Variants in IL20RB observed in about 807,000 individuals in gnomAD.
The protein encoded by IL20RB is interleukin 20 receptor subunit beta.
IL20RB carries 21 observed loss-of-function variants against 33.3 expected under a neutral mutation model. That is an observed-to-expected ratio of 0.63 (90% CI 0.45 to 0.91). The LOEUF (loss-of-function observed/expected upper bound fraction) is 0.91, where lower values mean the gene tolerates loss of function less well. Among genes scored for constraint, IL20RB ranks in the 40% least tolerant of loss-of-function variants. The pLI is 0.00. For missense variants in IL20RB, 345 were observed against 384.8 expected, an observed-to-expected ratio of 0.90 and a Z score of 0.86; for synonymous variants, 147 against 146.8, an observed-to-expected ratio of 1.00 and a Z score of -0.01.
intron 2 of IL20RB, among the ~76,000 whole-genome samples, chr3:136,981,115 A>C (rs1941762161): frequency 1.3e-5 from 2 of 152,328 alleles, no homozygotes; most frequent in Non-Finnish European, 2.9e-5. Context: ...CTGAACACCT[A>C]CATGTGTAGA....
chr3:136,960,262 C>G (rs955813464), intron 1 of IL20RB, among the ~76,000 whole-genome samples: 1 of 149,752 alleles, frequency 6.7e-6, no homozygotes, highest in Non-Finnish European at 1.5e-5. Context: ...ATTCTCCTGC[C>G]TCAGCCTCCT....
In IL20RB at chr3:136,982,278, C is replaced by T. The variant is rs752060952; in HGVS notation, c.334C>T (p.Arg112Cys). The T allele has an allele frequency of 4.3e-6, 7 of 1,611,424 alleles. No homozygotes were observed. In the Admixed American group the frequency reaches 5.0e-5, roughly 12 times the overall value. Residue 112 changes from arginine to cysteine, a missense_variant, in exon 3 of 7, where the codon CGT becomes TGT. Coordinates refer to ENST00000329582, the MANE Select transcript of IL20RB (RefSeq NM_144717.4). ...CACGGCCACTGTGCCATACAACCTT[C>T]GTGTCAGGGCCACATTGGGCTCACA... ...DITATVPYNL[R>C]VRATLGSQTS...
chr3:136,991,987 C>A lies in IL20RB; in HGVS notation c.581C>A (p.Thr194Asn), dbSNP rs1942041897. 3 of 1,614,068 alleles carry A rather than the reference C, an allele frequency of 1.9e-6. No individual in the cohort carries two copies. Among genetic ancestry groups the A allele is most frequent in the Non-Finnish European group, 1.7e-6 (2 of 1,180,044 alleles). The change falls in exon 5 of 7, where the codon ACC becomes AAC. Residue 194 changes from threonine to asparagine, a missense_variant. Physicochemically the swap from Thr to Asn is moderately conservative, Grantham distance 65. Transcript: ENST00000329582. ...GGGGGTATTCCAGTGCACCTAGAAA[C>A]CATGGAGCCAGGGGCTGCATACTGT... ...RSGGIPVHLETMEPGAAYCVK... is the reference protein window; with the variant it reads ...RSGGIPVHLENMEPGAAYCVK...
Position 136,980,515 on chromosome 3 carries a change from C to T in IL20RB, c.138C>T (p.Thr46=). 1 of 1,614,186 alleles carries T rather than the reference C, an allele frequency of 6.2e-7. No individual in the cohort carries two copies. The highest frequency in any genetic ancestry group is 8.5e-7 in the Non-Finnish European group (1 of 1,180,030). The change falls in exon 2 of 7, where the codon ACC becomes ACT. Residue 46 remains threonine, a synonymous_variant. Coordinates refer to ENST00000329582, the MANE Select transcript of IL20RB (RefSeq NM_144717.4). ...CTCAGAACCTCTCTGTACTCTCAAC[C>T]AACATGAAGCATCTCTTGATGTGGA... ...PAPQNLSVLS[T]NMKHLLMWSP...
chr3:136,973,602 A>G (rs897843240), intron 1 of IL20RB, among the ~76,000 whole-genome samples: 5 of 152,142 alleles, frequency 3.3e-5, no homozygotes, highest in African/African-American at 1.2e-4. Context: ...CAGTTTAAGT[A>G]CAATGTTTCT....
chr3:136,996,261 T>C (rs994427044), intron 6 of IL20RB, among the ~76,000 whole-genome samples: 4 of 152,058 alleles, frequency 2.6e-5, no homozygotes, highest in African/African-American at 7.2e-5. Flanking sequence ...AGCTCCCCCA[T>C]GTTCTCTGGC....
At chr3:136,960,327 T>G (rs1381265835) in intron 1 of IL20RB, among the ~76,000 whole-genome samples, 3 of 152,000 alleles carry the variant, frequency 2.0e-5, no homozygotes, top group Admixed American at 2.0e-4. Flanking sequence ...TTTGTATTTT[T>G]AGTAAAGATG....
At chr3:136,982,388 G>GC (rs1941798994) in intron 3 of IL20RB, 38 bp downstream of exon 3, 2 of 1,431,460 alleles carry the variant, frequency 1.4e-6, no homozygotes, top group Non-Finnish European at 1.9e-6. Context: ...ACCCCAACCA[G>GC]CCCCTCCTTT....
intron 6 of IL20RB, among the ~76,000 whole-genome samples, chr3:137,009,438 C>A (rs1400304541): frequency 1.3e-5 from 2 of 152,172 alleles, no homozygotes; most frequent in Non-Finnish European, 2.9e-5. Context: ...ATTTATGGAA[C>A]ATCCTCTCTG....
Position 136,982,345 on chromosome 3 carries a change from A to G in IL20RB, c.401A>G (p.Asn134Ser). The change falls in exon 3 of 7, where the codon AAC becomes AGC. Residue 134 changes from asparagine (N) to serine (S), a missense_variant. By Grantham distance (46) the Asn-to-Ser change is conservative (BLOSUM62 1). Coordinates refer to ENST00000329582, the MANE Select transcript of IL20RB (RefSeq NM_144717.4). ...WSILKHPFNRNSTILTRPGME... is the reference protein window; with the variant it reads ...WSILKHPFNRSSTILTRPGME... ...ATCCTGAAGCATCCCTTTAATAGAA[A>G]CTCAAGTAAGGCACTTCTCTCCTTA... 6.3e-7 allele frequency: 1 copy of G among 1,574,982 alleles called. No homozygotes were observed. Among genetic ancestry groups the G allele is most frequent in the Non-Finnish European group, 8.7e-7 (1 of 1,152,330 alleles).
intron 1 of IL20RB, among the ~76,000 whole-genome samples, chr3:136,973,205 G>A (rs1941531081): frequency 6.6e-6 from 1 of 152,088 alleles, no homozygotes; most frequent in African/African-American, 2.4e-5. Flanking sequence ...TTGTTGGCTG[G>A]GCGCAGTGTC....
intron 4 of IL20RB, 84 bp from the exon 5 acceptor site, chr3:136,991,854 C>T: frequency 6.9e-7 from 1 of 1,459,090 alleles, no homozygotes. Flanking sequence ...AGGTGATCCG[C>T]CCGCCTCAGG....
Position 136,958,104 on chromosome 3 carries a change from A to G in IL20RB, c.-10A>G, listed in dbSNP as rs1941090952. 1.3e-6 allele frequency: 2 copies of G among 1,540,444 alleles called. No homozygotes were observed. The highest frequency in any genetic ancestry group is 4.5e-5 in the East Asian group (2 of 44,516). ...AGAAACAATGTTCTAGGTCAAACTGAGTCTACCAAATGCAGACTTTCACAA... is the reference window on the plus strand; with the variant it reads ...AGAAACAATGTTCTAGGTCAAACTGGGTCTACCAAATGCAGACTTTCACAA... On this transcript the variant is annotated 5_prime_UTR_variant, in exon 1 of 7. It removes the in-frame stop codon of an upstream open reading frame in the 5' UTR. Coordinates refer to ENST00000329582, the MANE Select transcript of IL20RB (RefSeq NM_144717.4).
intron 6 of IL20RB, among the ~76,000 whole-genome samples, chr3:137,006,322 G>A (rs889474930): frequency 1.3e-4 from 20 of 152,086 alleles, no homozygotes; most frequent in Non-Finnish European, 2.1e-4. Context: ...GCCTTGCTAG[G>A]TTGGGGAAGT....
chr3:136,970,397 A>G (rs1322541642), intron 1 of IL20RB, among the ~76,000 whole-genome samples: 1 of 151,932 alleles, frequency 6.6e-6, no homozygotes, highest in Non-Finnish European at 1.5e-5. Flanking sequence ...GCCAGGCCTA[A>G]AAGCCTATTG....
chr3:136,999,057 T>C (rs1304382706), intron 6 of IL20RB, among the ~76,000 whole-genome samples: 3 of 152,168 alleles, frequency 2.0e-5, no homozygotes, highest in Non-Finnish European at 4.4e-5. Flanking sequence ...TACATGTATA[T>C]ATTTTTAAGC....
intron 2 of IL20RB, among the ~76,000 whole-genome samples, chr3:136,981,265 T>TTTAAATTAAATTAAA (rs3054095): frequency 0.13 from 18,796 of 146,348 alleles, 1,419 homozygotes; most frequent in East Asian, 0.17. Flanking sequence ...GCTATTTAAA[T>TTTAAATTAAATTAAA]TTAAATTAAA....
At chr3:136,976,167 G>GCCCTT (rs1200399435) in intron 1 of IL20RB, among the ~76,000 whole-genome samples, 5 of 152,210 alleles carry the variant, frequency 3.3e-5, no homozygotes, top group African/African-American at 9.7e-5. Context: ...TGCCCAAGGT[G>GCCCTT]CCCTTGTCAC....
intron 1 of IL20RB, among the ~76,000 whole-genome samples, chr3:136,980,002 A>T (rs1341577173): frequency 6.6e-6 from 1 of 152,250 alleles, no homozygotes; most frequent in Non-Finnish European, 1.5e-5. Context: ...CCAGTCTAAC[A>T]GAAGAGTCAT....
Sources: allele counts gnomAD v4.1 joint callset (sites outside exome capture counted in the v4.1 genomes callset), GRCh38; gene constraint gnomAD v4.1.1; transcripts MANE v1.5; gene names NCBI Gene and HGNC (gene_info 2026-07-23, HGNC 2026-07-21).